COL15A1: variants seen among roughly 807,000 people sequenced by gnomAD.
The protein encoded by COL15A1 is collagen alpha-1(XV) chain.
A neutral mutation model predicts 165.9 loss-of-function variants in COL15A1; 111 were observed. The observed-to-expected ratio is 0.67, with a 90% CI of 0.57 to 0.78. The LOEUF is 0.78. COL15A1 is among the 30% of genes least tolerant of loss of function. The pLI, the probability that COL15A1 is intolerant of heterozygous loss-of-function variation, is 0.00. For missense variants in COL15A1, 1,745 were observed against 1,789.7 expected, an observed-to-expected ratio of 0.98 and a Z score of 0.45; for synonymous variants, 659 against 674.8, an observed-to-expected ratio of 0.98 and a Z score of 0.36.
At chr9:99,011,793 T>C (rs1838851474) in intron 9 of COL15A1, among the ~76,000 whole-genome samples, 1 of 152,222 alleles carries the variant, frequency 6.6e-6, no homozygotes, top group Non-Finnish European at 1.5e-5. Context: ...TTTTTAATAC[T>C]GTACCTAGAT....
chr9:98,993,742 G>A (rs1182359228), intron 5 of COL15A1, among the ~76,000 whole-genome samples: 1 of 152,150 alleles, frequency 6.6e-6, no homozygotes, highest in Non-Finnish European at 1.5e-5. Flanking sequence ...ACATCTCCTG[G>A]AAGGGCTTTA....
At chr9:98,959,631 T>A (rs935558403) in intron 2 of COL15A1, among the ~76,000 whole-genome samples, 1 of 152,130 alleles carries the variant, frequency 6.6e-6, no homozygotes, top group East Asian at 1.9e-4. Context: ...CCCTGCAATG[T>A]CTGTTGCATG....
intron 15 of COL15A1, among the ~76,000 whole-genome samples, chr9:99,025,253 G>A (rs1564065556): frequency 6.6e-6 from 1 of 152,164 alleles, no homozygotes; most frequent in Admixed American, 6.5e-5. Flanking sequence ...CCCTACTTAC[G>A]AATGGTTCAG....
In COL15A1 at chr9:98,944,733, C is replaced by T. The variant is rs1362397040; in HGVS notation, c.100+483C>T. Among the ~76,000 whole-genome samples the T allele has an allele frequency of 2.0e-5, 3 of 152,252 alleles. No individual in the cohort carries two copies. In the East Asian group the frequency reaches 5.8e-4, roughly 29 times the overall value. ...GGAACTGAATTGCTCGGTTGCTTAA[C>T]CCAGCTCTGAGTTACCTAAGCGGTC... is the stretch of plus-strand genomic sequence containing the variant. On this transcript the variant is annotated intron_variant, in intron 2 of 41. Transcript: ENST00000375001.
intron 2 of COL15A1, among the ~76,000 whole-genome samples, chr9:98,977,904 G>A (rs1838166949): frequency 6.6e-6 from 1 of 152,210 alleles, no homozygotes. Context: ...GGCAAAGGAG[G>A]GGTCTCATCC....
chr9:99,038,577 G>A (rs1051933183), intron 21 of COL15A1, 91 bp from the exon 22 acceptor site: 1 of 816,244 alleles, frequency 1.2e-6, no homozygotes, highest in South Asian at 1.4e-5. Flanking sequence ...GTTCCGCTAT[G>A]CTGGGTGACT....
At chr9:98,957,193 G>T (rs538147983) in intron 2 of COL15A1, among the ~76,000 whole-genome samples, 117 of 152,348 alleles carry the variant, frequency 7.7e-4, no homozygotes, top group Non-Finnish European at 1.4e-3. Context: ...GGAGGCAGAG[G>T]AAATCAGAGT....
chr9:99,021,549 A>G (rs1477251850), intron 12 of COL15A1, among the ~76,000 whole-genome samples: 1 of 152,076 alleles, frequency 6.6e-6, no homozygotes, highest in Non-Finnish European at 1.5e-5. Context: ...CCTCTTTTCC[A>G]AATGTGTGCT....
chr9:99,058,642 A>T (rs928588717), intron 35 of COL15A1, among the ~76,000 whole-genome samples: 1 of 152,236 alleles, frequency 6.6e-6, no homozygotes, highest in African/African-American at 2.4e-5. Flanking sequence ...TTTCATGGCC[A>T]TTATCCCATG....
Position 99,038,702 on chromosome 9 carries a change from T to G in COL15A1, c.2444T>G (p.Phe815Cys), listed in dbSNP as rs144516086. The G allele has an allele frequency of 6.2e-7, 1 of 1,611,518 alleles. No individual in the cohort carries two copies. The highest frequency in any genetic ancestry group is 8.5e-7 in the Non-Finnish European group (1 of 1,177,710). ...LINITHGFMN[F>C]SDIPELVGPP... is the part of the protein sequence containing the mutation. ...AATATCACCCATGGATTCATGAATTTCTCGGACATTCCTGAGCTGGTGGGG... is the reference window on the plus strand; with the variant it reads ...AATATCACCCATGGATTCATGAATTGCTCGGACATTCCTGAGCTGGTGGGG... The change falls in exon 22 of 42, where the codon TTC becomes TGC. Residue 815 changes from phenylalanine to cysteine, a missense_variant. Phe to Cys is a radical substitution (Grantham distance 205). Coordinates refer to ENST00000375001, the MANE Select transcript of COL15A1 (RefSeq NM_001855.5).
intron 31 of COL15A1, among the ~76,000 whole-genome samples, chr9:99,053,468 C>A (rs1825659895): frequency 6.6e-6 from 1 of 152,240 alleles, no homozygotes; most frequent in African/African-American, 2.4e-5. Context: ...TCCCTGTGAG[C>A]CTCCCCTGGA....
At chr9:98,992,075 G>T (rs57210229) in intron 5 of COL15A1, among the ~76,000 whole-genome samples, 2 of 152,258 alleles carry the variant, frequency 1.3e-5, no homozygotes, top group Non-Finnish European at 2.9e-5. Flanking sequence ...TCCCGCACGA[G>T]GGCAGCAGGT....
intron 13 of COL15A1, among the ~76,000 whole-genome samples, chr9:99,022,986 T>C (rs1321383504): frequency 6.6e-6 from 1 of 152,142 alleles, no homozygotes; most frequent in African/African-American, 2.4e-5. Context: ...CAGGTGGTCC[T>C]AGCATCTCAC....
At chr9:98,977,206 C>T (rs1001895983) in intron 2 of COL15A1, among the ~76,000 whole-genome samples, 2 of 152,112 alleles carry the variant, frequency 1.3e-5, no homozygotes, top group African/African-American at 4.8e-5. Flanking sequence ...AAGTGTGGGC[C>T]GCTTCCAAGA....
intron 36 of COL15A1, among the ~76,000 whole-genome samples, chr9:99,060,766 A>C (rs1473257380): frequency 6.6e-6 from 1 of 152,168 alleles, no homozygotes; most frequent in East Asian, 1.9e-4. Context: ...GCATATCTGT[A>C]GTCCCAGCTA....
intron 2 of COL15A1, among the ~76,000 whole-genome samples, chr9:98,982,815 G>C (rs1838252806): frequency 6.6e-6 from 1 of 151,636 alleles, no homozygotes; most frequent in African/African-American, 2.4e-5. Context: ...TTGTTGTTTT[G>C]TGGAGATGAG....
chr9:98,953,482 T>TCCAATACAACCCCATCAAACTCAAC (rs1207443641), intron 2 of COL15A1, among the ~76,000 whole-genome samples: 11 of 151,832 alleles, frequency 7.2e-5, no homozygotes, highest in African/African-American at 2.7e-4. Flanking sequence ...ACCCACCTAA[T>TCCAATACAACCCCATCAAACTCAAC]CCAATACAAC....
chr9:98,967,687 G>A (rs1408476228), intron 2 of COL15A1, among the ~76,000 whole-genome samples: 1 of 152,186 alleles, frequency 6.6e-6, no homozygotes, highest in Non-Finnish European at 1.5e-5. Context: ...CATGGTGGAA[G>A]CAGTTACAAT....
At chr9:98,992,212 C>T (rs1349358543) in intron 5 of COL15A1, among the ~76,000 whole-genome samples, 3 of 152,252 alleles carry the variant, frequency 2.0e-5, no homozygotes, top group South Asian at 2.1e-4. Context: ...TGCCAGGGGG[C>T]TCGGGCATGG....
Sources: allele counts gnomAD v4.1 joint callset (sites outside exome capture counted in the v4.1 genomes callset), GRCh38; gene constraint gnomAD v4.1.1; transcripts MANE v1.5; gene names NCBI Gene and HGNC (gene_info 2026-07-23, HGNC 2026-07-21).